The following PTBP3 variants were observed in gnomAD, a reference collection of about 807,000 sequenced individuals.
The protein encoded by PTBP3 is polypyrimidine tract binding protein 3.
In PTBP3, 20 loss-of-function variants were observed where a neutral mutation model predicts 58.7. The ratio of observed to expected loss-of-function variants is 0.34; its 90% CI spans 0.24 to 0.50. The LOEUF (loss-of-function observed/expected upper bound fraction) is 0.50, where lower values mean the gene tolerates loss of function less well. Ranked by LOEUF, PTBP3 falls within the 20% of genes least tolerant of loss-of-function variation. The probability of loss-of-function intolerance (pLI) is 0.98; values close to 1 mark genes in which losing one functional copy is unlikely to be tolerated. For synonymous variants in PTBP3, 185 were observed against 219.8 expected (o/e 0.84, Z 1.40); for missense variants, 509 against 637.2 (o/e 0.80, Z 2.17).
chr9:112,252,703 G>T lies in PTBP3; in HGVS notation c.602C>A (p.Pro201Gln). 1 of 1,608,640 alleles carries T rather than the reference G, an allele frequency of 6.2e-7. No individual in the cohort carries two copies. The highest frequency in any genetic ancestry group is 8.5e-7 in the Non-Finnish European group (1 of 1,175,504). Residue 201 changes from proline to glutamine, a missense_variant, in exon 6 of 14, where the codon CCA (proline) becomes CAA (glutamine). By Grantham distance (76) the Pro-to-Gln change is moderately conservative. This residue lies in a region of PTBP3 where 41 missense variants were observed against 78.0 expected (regional missense o/e 0.53). Coordinates refer to ENST00000374257, the MANE Select transcript of PTBP3 (RefSeq NM_001163788.4). ...QFQALLQYAD[P>Q]VNAHYAKMAL... is the part of the protein sequence containing the mutation. The stretch of plus-strand genomic sequence containing the variant: ...CATTTTGGCATAATGTGCATTTACT[G>T]GGTCAGCATACTGAAGCAAGGCTTG...
At chr9:112,367,295 C>T in the PTBP3 span, among the ~76,000 whole-genome samples, 1 of 152,048 alleles carries the variant, frequency 6.6e-6, no homozygotes, top group Non-Finnish European at 1.5e-5. Context: ...CTATTTTTAC[C>T]CTTACAGTGA....
the PTBP3 span, among the ~76,000 whole-genome samples, chr9:112,351,285 G>C: frequency 6.6e-6 from 1 of 152,148 alleles, no homozygotes; most frequent in Non-Finnish European, 1.5e-5. Flanking sequence ...TACTGCTCAA[G>C]TATTTTATGG....
intron 2 of PTBP3, among the ~76,000 whole-genome samples, chr9:112,293,576 C>A (rs1828538958): frequency 6.6e-6 from 1 of 152,176 alleles, no homozygotes; most frequent in Non-Finnish European, 1.5e-5. Context: ...ACCCTTCACC[C>A]TCGCCCCCTT....
At chr9:112,290,375 TTAAAAA>T (rs1016051566) in intron 2 of PTBP3, among the ~76,000 whole-genome samples, 5 of 151,832 alleles carry the variant, frequency 3.3e-5, no homozygotes, top group Middle Eastern at 3.2e-3. Context: ...ACAACTAAAA[TTAAAAA>T]TACACAATAT....
intron 2 of PTBP3, among the ~76,000 whole-genome samples, chr9:112,280,731 T>C (rs936584295): frequency 1.8e-4 from 27 of 151,726 alleles, no homozygotes; most frequent in African/African-American, 6.3e-4. Flanking sequence ...CCATGATTTT[T>C]TTCCTCACTC....
At chr9:112,379,756 G>A in the PTBP3 span, among the ~76,000 whole-genome samples, 3 of 152,248 alleles carry the variant, frequency 2.0e-5, no homozygotes, top group African/African-American at 7.2e-5. Flanking sequence ...CTCCCAGCTC[G>A]GAGCCGGCGC....
intron 5 of PTBP3, among the ~76,000 whole-genome samples, chr9:112,256,796 T>TATAG (rs1836384962): frequency 6.6e-6 from 1 of 152,160 alleles, no homozygotes; most frequent in East Asian, 1.9e-4. Flanking sequence ...GTACTGGGAT[T>TATAG]ATAGGCCTGA....
intron 5 of PTBP3, among the ~76,000 whole-genome samples, chr9:112,257,387 A>G (rs2132107941): frequency 6.6e-6 from 1 of 152,328 alleles, no homozygotes; most frequent in East Asian, 1.9e-4. Context: ...AAAATTCAGG[A>G]AGGTTTGATA....
At chr9:112,257,152 G>A (rs1196996105) in intron 5 of PTBP3, among the ~76,000 whole-genome samples, 1 of 152,150 alleles carries the variant, frequency 6.6e-6, no homozygotes, top group African/African-American at 2.4e-5. Context: ...TTATCTGAAT[G>A]TGCTAAGAGA....
intron 1 of PTBP3, among the ~76,000 whole-genome samples, chr9:112,321,139 A>G (rs1829930815): frequency 6.6e-6 from 1 of 152,220 alleles, no homozygotes. Context: ...TTCACAATAT[A>G]TAAAGAATTC....
the PTBP3 span, among the ~76,000 whole-genome samples, chr9:112,350,248 T>A: frequency 3.9e-5 from 6 of 152,132 alleles, no homozygotes; most frequent in South Asian, 2.1e-4. Flanking sequence ...GGGTGAGGGA[T>A]AAAAGACTAC....
the PTBP3 span, among the ~76,000 whole-genome samples, chr9:112,379,594 C>A: frequency 2.0e-5 from 3 of 152,304 alleles, no homozygotes; most frequent in East Asian, 3.9e-4. Context: ...AGTGGAAACG[C>A]GACGCTGGCC....
intron 1 of PTBP3, among the ~76,000 whole-genome samples, chr9:112,303,101 T>C (rs954683194): frequency 1.3e-5 from 2 of 152,196 alleles, no homozygotes; most frequent in African/African-American, 4.8e-5. Flanking sequence ...GAAACAATCT[T>C]TCTAATCTGG....
chr9:112,348,033 C>T, the PTBP3 span, among the ~76,000 whole-genome samples: 1 of 152,236 alleles, frequency 6.6e-6, no homozygotes, highest in Non-Finnish European at 1.5e-5. Flanking sequence ...GTTTCTCAAC[C>T]TCAGCACCAC....
In PTBP3 at chr9:112,218,809, C is replaced by T. The variant is rs922866801; in HGVS notation, c.*5042G>A. The T allele has an allele frequency of 4.6e-5, 7 of 152,212 alleles. No individual in the cohort carries two copies. Among genetic ancestry groups the T allele is most frequent in the African/African-American group, 1.7e-4 (7 of 41,340 alleles). The allele number at this position is 152,212 out of a possible 1,614,324, so 9.4% of individuals were successfully genotyped here. On this transcript the variant is annotated 3_prime_UTR_variant, in exon 14 of 14. Transcript: ENST00000374257. Reference sequence around the variant, plus strand: ...CATTTGTTCCCAAAAACCTTTTTTTCTTTTTTGGCCTTGTTAAAAAAAATG... The same window carrying T: ...CATTTGTTCCCAAAAACCTTTTTTTTTTTTTTGGCCTTGTTAAAAAAAATG...
At chr9:112,318,814 G>A (rs1336926861) in intron 1 of PTBP3, among the ~76,000 whole-genome samples, 1 of 151,408 alleles carries the variant, frequency 6.6e-6, no homozygotes, top group East Asian at 2.0e-4. Flanking sequence ...TGCTTGAAAT[G>A]TCAAAAAGAA....
chr9:112,286,314 G>A (rs1266514146), intron 2 of PTBP3, among the ~76,000 whole-genome samples: 1 of 151,706 alleles, frequency 6.6e-6, no homozygotes, highest in Non-Finnish European at 1.5e-5. Flanking sequence ...AACGTGGTTG[G>A]GTTTAAAAGC....
At chr9:112,365,335 T>C in the PTBP3 span, among the ~76,000 whole-genome samples, 1 of 152,108 alleles carries the variant, frequency 6.6e-6, no homozygotes, top group Non-Finnish European at 1.5e-5. Flanking sequence ...TGGGAGATAA[T>C]TGAATCATGG....
At chr9:112,235,849 G>C (rs930779357) in intron 7 of PTBP3, among the ~76,000 whole-genome samples, 1 of 152,098 alleles carries the variant, frequency 6.6e-6, no homozygotes, top group Admixed American at 6.6e-5. Context: ...CTACAGAAAA[G>C]AGGAAGAGAC....
Sources: allele counts gnomAD v4.1 joint callset (sites outside exome capture counted in the v4.1 genomes callset), GRCh38; gene constraint gnomAD v4.1.1; regional missense constraint gnomAD v4.1.1; transcripts MANE v1.5; gene names NCBI Gene and HGNC (gene_info 2026-07-23, HGNC 2026-07-21).